The following AGBL4 variants were observed in gnomAD, a reference collection of about 807,000 sequenced individuals.
The protein encoded by AGBL4 is cytosolic carboxypeptidase 6.
In AGBL4, 58 loss-of-function variants were observed where a neutral mutation model predicts 66.4. The observed-to-expected ratio is 0.87, with a 90% CI of 0.71 to 1.09. The LOEUF is 1.09. AGBL4 is among the 50% of genes least tolerant of loss of function. The pLI is 0.00. For missense variants in AGBL4, 579 were observed against 631.0 expected (o/e 0.92, Z 0.88); for synonymous variants, 234 against 222.9 (o/e 1.05, Z -0.44).
intron 3 of AGBL4, among the ~76,000 whole-genome samples, chr1:49,315,459 C>G (rs1018324642): frequency 4.6e-5 from 7 of 151,948 alleles, no homozygotes; most frequent in East Asian, 3.9e-4. Context: ...GAACAGGCAA[C>G]CTACAGAATG....
chr1:49,358,893 C>A (rs888671004), intron 3 of AGBL4, among the ~76,000 whole-genome samples: 2 of 152,154 alleles, frequency 1.3e-5, no homozygotes, highest in Non-Finnish European at 2.9e-5. Flanking sequence ...AGTTTCAAAG[C>A]CTACTACAGT....
intron 11 of AGBL4, among the ~76,000 whole-genome samples, chr1:48,549,781 G>A (rs1644221946): frequency 6.6e-6 from 1 of 151,916 alleles, no homozygotes; most frequent in Non-Finnish European, 1.5e-5. Flanking sequence ...AAAGAGGTGT[G>A]AGAGAGATAT....
chr1:49,254,691 G>T (rs530525147), intron 3 of AGBL4, among the ~76,000 whole-genome samples: 2 of 152,144 alleles, frequency 1.3e-5, no homozygotes, highest in African/African-American at 2.4e-5. Context: ...GAACCAAAAA[G>T]ACCCCAAATA....
chr1:49,228,161 G>C (rs1252454608), intron 4 of AGBL4, among the ~76,000 whole-genome samples: 1 of 152,132 alleles, frequency 6.6e-6, no homozygotes. Context: ...ACCTACTACA[G>C]AGAAGGTAGT....
chr1:48,823,403 G>C (rs908988634), intron 6 of AGBL4, among the ~76,000 whole-genome samples: 4 of 152,178 alleles, frequency 2.6e-5, no homozygotes, highest in African/African-American at 9.7e-5. Flanking sequence ...CAACACCAGG[G>C]GAAAGGTCAG....
chr1:49,457,113 T>C (rs566974948), intron 3 of AGBL4, among the ~76,000 whole-genome samples: 1 of 151,916 alleles, frequency 6.6e-6, no homozygotes, highest in Admixed American at 6.6e-5. Context: ...CTGGATCATA[T>C]GGTAAACCTA....
At chr1:49,011,463 G>A (rs1662402646) in intron 5 of AGBL4, among the ~76,000 whole-genome samples, 1 of 152,204 alleles carries the variant, frequency 6.6e-6, no homozygotes, top group East Asian at 1.9e-4. Flanking sequence ...CATTGTGCAA[G>A]TCAGTGTGGC....
At chr1:48,988,192 A>C (rs1420483206) in intron 5 of AGBL4, among the ~76,000 whole-genome samples, 3 of 152,048 alleles carry the variant, frequency 2.0e-5, no homozygotes, top group African/African-American at 7.2e-5. Context: ...TCTATGAGCC[A>C]CTCGAGAACA....
At chr1:48,988,616 T>A (rs1660364586) in intron 5 of AGBL4, among the ~76,000 whole-genome samples, 1 of 152,186 alleles carries the variant, frequency 6.6e-6, no homozygotes, top group Non-Finnish European at 1.5e-5. Flanking sequence ...ACCAACCTGT[T>A]GGTCAATACT....
At chr1:48,960,510 T>C (rs1025561797) in intron 5 of AGBL4, among the ~76,000 whole-genome samples, 5 of 152,172 alleles carry the variant, frequency 3.3e-5, no homozygotes, top group African/African-American at 1.2e-4. Flanking sequence ...ATCAAGGATG[T>C]AATACTGACT....
At chr1:49,109,939 T>C (rs1485575437) in intron 4 of AGBL4, among the ~76,000 whole-genome samples, 1 of 152,182 alleles carries the variant, frequency 6.6e-6, no homozygotes, top group Non-Finnish European at 1.5e-5. Flanking sequence ...TCCAATTATC[T>C]TTTTTCTCAC....
intron 3 of AGBL4, among the ~76,000 whole-genome samples, chr1:49,556,927 C>G (rs1299144697): frequency 1.3e-5 from 2 of 152,144 alleles, no homozygotes; most frequent in East Asian, 3.9e-4. Context: ...GGCGCACCCT[C>G]CGCAGATGCT....
At chr1:48,782,167 C>G (rs1250104663) in intron 6 of AGBL4, among the ~76,000 whole-genome samples, 1 of 152,152 alleles carries the variant, frequency 6.6e-6, no homozygotes, top group Non-Finnish European at 1.5e-5. Flanking sequence ...CAGAGGCCTG[C>G]GAAGACGCTG....
chr1:49,289,027 G>A (rs1211394928), intron 3 of AGBL4, among the ~76,000 whole-genome samples: 2 of 151,956 alleles, frequency 1.3e-5, no homozygotes, highest in Non-Finnish European at 2.9e-5. Context: ...GAGAGAGAGA[G>A]AGAGAAAGAG....
At chr1:49,823,050 G>T (rs571280725) in intron 2 of AGBL4, among the ~76,000 whole-genome samples, 11 of 152,206 alleles carry the variant, frequency 7.2e-5, no homozygotes, top group Non-Finnish European at 1.3e-4. Flanking sequence ...GAACAGTGGA[G>T]TCACTGAAAT....
At chr1:49,632,834 A>C (rs892708053) in intron 3 of AGBL4, among the ~76,000 whole-genome samples, 2 of 77,388 alleles carry the variant, frequency 2.6e-5, no homozygotes, top group Non-Finnish European at 5.5e-5. Flanking sequence ...ACACTAGAAC[A>C]GTGTGCCTAG....
intron 3 of AGBL4, among the ~76,000 whole-genome samples, chr1:49,464,787 C>T (rs1646589995): frequency 6.6e-6 from 1 of 151,592 alleles, no homozygotes; most frequent in South Asian, 2.1e-4. Flanking sequence ...TTCTCAGTAG[C>T]TTGAACATAG....
intron 2 of AGBL4, among the ~76,000 whole-genome samples, chr1:49,726,553 A>G (rs1649045410): frequency 6.6e-6 from 1 of 152,174 alleles, no homozygotes; most frequent in Non-Finnish European, 1.5e-5. Flanking sequence ...AATATTAACA[A>G]ATTTATGAAA....
chr1:50,016,353 G>A (rs181421033), intron 1 of AGBL4, among the ~76,000 whole-genome samples: 8 of 152,300 alleles, frequency 5.3e-5, no homozygotes, highest in Admixed American at 4.6e-4. Context: ...CCTAAGGTCA[G>A]GAGTTCCAGA....
Sources: allele counts gnomAD v4.1 joint callset (sites outside exome capture counted in the v4.1 genomes callset), GRCh38; gene constraint gnomAD v4.1.1; transcripts MANE v1.5; gene names NCBI Gene and HGNC (gene_info 2026-07-23, HGNC 2026-07-21).